The following ZSWIM5 variants were observed in gnomAD, a reference collection of about 807,000 sequenced individuals.
The protein encoded by ZSWIM5 is zinc finger SWIM-type containing 5, also known as zinc finger SWIM domain-containing protein 5.
A neutral mutation model predicts 119.6 loss-of-function variants in ZSWIM5; 55 were observed. The observed-to-expected ratio is 0.46, with a 90% confidence interval of 0.37 to 0.58. The LOEUF is 0.58. ZSWIM5 is among the 20% of genes least tolerant of loss of function. The pLI is 0.00. For synonymous variants in ZSWIM5, 537 were observed against 606.9 expected (o/e 0.88, Z 1.69); for missense variants, 1,193 against 1,512.8 (o/e 0.79, Z 3.51).
intron 1 of ZSWIM5, among the ~76,000 whole-genome samples, chr1:45,147,584 CAAAAAAAAA>C (rs11409330): frequency 2.1e-5 from 2 of 93,318 alleles, no homozygotes; most frequent in African/African-American, 8.9e-5. Context: ...TTTACACATG[CAAAAAAAAA>C]AAAAAAAAAA....
intron 1 of ZSWIM5, among the ~76,000 whole-genome samples, chr1:45,162,641 G>A (rs1054625323): frequency 3.3e-5 from 5 of 152,250 alleles, no homozygotes; most frequent in East Asian, 1.9e-4. Flanking sequence ...CTTTTCCAAC[G>A]ATCTTAGCAA....
At position 45,109,617 on chromosome 1, in the gene ZSWIM5, C is replaced by T. The variant is rs78708454; in HGVS notation, c.596-21380G>A. On this transcript the variant is annotated intron_variant, in intron 1 of 13. Transcript: ENST00000359600. ...AAAATTTGCTGGGCATGGTGGCGCGCGCCTGTAGTCCCAGCTACTCGGGAG... is the reference window on the plus strand; with the variant it reads ...AAAATTTGCTGGGCATGGTGGCGCGTGCCTGTAGTCCCAGCTACTCGGGAG... Among the ~76,000 whole-genome samples the T allele has an allele frequency of 4.2e-3, 642 of 151,960 alleles. 20 individuals are homozygous for T. The East Asian group carries it at 0.082, about 19-fold the overall frequency.
chr1:45,066,632 T>C (rs1305808450), intron 2 of ZSWIM5, among the ~76,000 whole-genome samples: 2 of 152,172 alleles, frequency 1.3e-5, no homozygotes, highest in Admixed American at 1.3e-4. Context: ...AAGGAGGATA[T>C]TCTCTCAAGG....
intron 1 of ZSWIM5, among the ~76,000 whole-genome samples, chr1:45,176,669 T>C (rs920684047): frequency 6.6e-6 from 1 of 152,074 alleles, no homozygotes. Flanking sequence ...CAATCTTTCA[T>C]TGCCACCACA....
Position 45,205,959 on chromosome 1 carries a change from C to G in ZSWIM5, c.392G>C (p.Gly131Ala). 1 of 1,330,300 alleles carries G rather than the reference C, an allele frequency of 7.5e-7. No individual in the cohort carries two copies. Among genetic ancestry groups the G allele is most frequent in the South Asian group, 2.2e-5 (1 of 46,088 alleles). 82.4% of individuals were successfully genotyped at this position (1,330,300 alleles called of 1,614,324 possible). A position where few individuals can be genotyped will look rare whatever the true frequency, so the allele number is the denominator to read the frequency against. Residue 131 changes from glycine to alanine, a missense_variant, in exon 1 of 14, where the codon GGG (glycine) becomes GCG (alanine). Transcript: ENST00000359600. ...PGAGAAGGAA[G>A]ASPAEEGPQP... ...CGGCCCCTCCTCGGCCGGCGAAGCC[C>G]CCGCGGCGCCGCCAGCAGCGCCGGC...
rs61788442 is a variant in ZSWIM5, at chr1:45,157,213, C to T, written c.595+48543G>A. On this transcript the variant is annotated intron_variant, in intron 1 of 13. Coordinates refer to ENST00000359600, the MANE Select transcript of ZSWIM5 (RefSeq NM_020883.2). ...TGATTACTTTTGAGACAGGGTCTTC[C>T]TCTATTGCCCAGGCAGTCGCACACA... is the stretch of plus-strand genomic sequence containing the variant. Among the ~76,000 whole-genome samples, 1,333 of 152,176 alleles carry T rather than the reference C, an allele frequency of 8.8e-3. 7 individuals are homozygous for T. The highest frequency in any genetic ancestry group is 0.014 in the Non-Finnish European group (973 of 68,012).
chr1:45,135,939 C>T (rs1431812014), intron 1 of ZSWIM5, among the ~76,000 whole-genome samples: 1 of 152,080 alleles, frequency 6.6e-6, no homozygotes, highest in African/African-American at 2.4e-5. Context: ...AGGCTCACTG[C>T]AACCTCTACC....
At chr1:45,058,305 T>A (rs1645134169) in intron 4 of ZSWIM5, among the ~76,000 whole-genome samples, 2 of 152,158 alleles carry the variant, frequency 1.3e-5, no homozygotes, top group Admixed American at 6.6e-5. Context: ...GTGAGGCTGA[T>A]AAGTATTTGG....
intron 1 of ZSWIM5, among the ~76,000 whole-genome samples, chr1:45,129,153 GTTTTTTTTTTT>G (rs869042927): frequency 1.4e-5 from 1 of 70,162 alleles, no homozygotes; most frequent in Non-Finnish European, 2.6e-5. Flanking sequence ...CATACATCTT[GTTTTTTTTTTT>G]TTTTTTTTTT....
Position 45,019,357 on chromosome 1 carries a change from C to T in ZSWIM5, c.2696-41G>A. 6.3e-7 allele frequency: 1 copy of T among 1,580,318 alleles called. No homozygotes were observed. The highest frequency in any genetic ancestry group is 8.6e-7 in the Non-Finnish European group (1 of 1,167,120). On this transcript the variant is annotated intron_variant, in intron 13 of 13. Transcript: ENST00000359600. The surrounding 1 kb of genome is among the most constrained non-coding windows in gnomAD (Gnocchi z 5.0). Reference sequence around the variant, plus strand: ...TGAGCTCAGCCGTGGCCATCTGGGTCCTGATTCAGGTCTACCCAGATTACC... The same window carrying T: ...TGAGCTCAGCCGTGGCCATCTGGGTTCTGATTCAGGTCTACCCAGATTACC...
intron 11 of ZSWIM5, among the ~76,000 whole-genome samples, chr1:45,026,190 C>T (rs758621392): frequency 6.6e-6 from 1 of 152,040 alleles, no homozygotes; most frequent in African/African-American, 2.4e-5. Context: ...GTGTGCCCAC[C>T]ACAACTGGCT....
At chr1:45,068,792 C>CTTTT (rs758235271) in intron 2 of ZSWIM5, among the ~76,000 whole-genome samples, 5 of 46,756 alleles carry the variant, frequency 1.1e-4, no homozygotes, top group Non-Finnish European at 1.1e-4. Context: ...TGTTGTATGT[C>CTTTT]TTTTTTTTTT....
chr1:45,183,316 C>T (rs1462529064), intron 1 of ZSWIM5, among the ~76,000 whole-genome samples: 1 of 151,426 alleles, frequency 6.6e-6, no homozygotes, highest in African/African-American at 2.4e-5. Context: ...AAAATTGACA[C>T]CCTAACATCA....
At chr1:45,031,170 T>C (rs1358402632) in intron 11 of ZSWIM5, among the ~76,000 whole-genome samples, 1 of 3,660 alleles carries the variant, frequency 2.7e-4, no homozygotes, top group Non-Finnish European at 1.6e-3. Context: ...TTTGCTCTGA[T>C]TTTTTTTTTT....
intron 1 of ZSWIM5, among the ~76,000 whole-genome samples, chr1:45,091,046 A>C (rs1037984558): frequency 1.3e-5 from 2 of 152,186 alleles, no homozygotes; most frequent in Non-Finnish European, 2.9e-5. Context: ...TAGGTATAAT[A>C]ATACTTGCTC....
At position 45,019,330 on chromosome 1, in the gene ZSWIM5, C is replaced by T. The variant is rs766912989; in HGVS notation, c.2696-14G>A. 25 of 1,600,702 alleles carry T rather than the reference C, an allele frequency of 1.6e-5. No individual in the cohort carries two copies. Among genetic ancestry groups the T allele is most frequent in the Non-Finnish European group, 2.0e-5 (24 of 1,175,408 alleles). On this transcript the variant is annotated splice_polypyrimidine_tract_variant and intron_variant, in intron 13 of 13. Coordinates refer to ENST00000359600, the MANE Select transcript of ZSWIM5 (RefSeq NM_020883.2). The surrounding 1 kb of genome is among the most constrained non-coding windows in gnomAD (Gnocchi z 5.0). ...GGGCCCGCACACCTGTCAGGGGGAG[C>T]CTGAGCTCAGCCGTGGCCATCTGGG...
intron 1 of ZSWIM5, among the ~76,000 whole-genome samples, chr1:45,194,105 ATG>A (rs1557795490): frequency 1.3e-5 from 2 of 152,164 alleles, no homozygotes. Context: ...ACATCAATGT[ATG>A]TTGGTGATGT....
chr1:45,018,875 C>G lies in ZSWIM5; in HGVS notation c.3137G>C (p.Cys1046Ser). ...CTTGCCCAGAGAGTGGCTGAGAGCA[C>G]AAGCCCAGAGCACATCATTGATGGC... ...HPAINDVLWA[C>S]ALSHSLGKNE... Residue 1046 changes from cysteine to serine, a missense_variant, in exon 14 of 14, where the codon TGT becomes TCT. Physicochemically the swap from Cys to Ser is moderately radical, Grantham distance 112 (BLOSUM62 -1). Around this residue, in one of 2 missense-constraint regions of ZSWIM5, gnomAD observed 961 missense variants for 1,290.0 expected, o/e 0.74. Transcript: ENST00000359600. The surrounding 1 kb of genome is among the most constrained non-coding windows in gnomAD (Gnocchi z 6.7). The G allele has an allele frequency of 6.2e-7, 1 of 1,614,214 alleles. No individual in the cohort carries two copies. Among genetic ancestry groups the G allele is most frequent in the Non-Finnish European group, 8.5e-7 (1 of 1,180,020 alleles).
intron 1 of ZSWIM5, among the ~76,000 whole-genome samples, chr1:45,115,551 A>G (rs556837905): frequency 3.6e-5 from 5 of 140,202 alleles, no homozygotes; most frequent in East Asian, 2.2e-4. Context: ...GGCGCGGGGC[A>G]GAGGCGCTCC....
Sources: allele counts gnomAD v4.1 joint callset (sites outside exome capture counted in the v4.1 genomes callset), GRCh38; gene constraint gnomAD v4.1.1; regional missense constraint gnomAD v4.1.1; non-coding constraint Gnocchi (gnomAD v3.1); transcripts MANE v1.5; gene names NCBI Gene and HGNC (gene_info 2026-07-23, HGNC 2026-07-21).